The following COL22A1 variants were observed in gnomAD, a reference collection of about 807,000 sequenced individuals.
COL22A1 encodes the protein collagen alpha-1(XXII) chain.
A neutral mutation model predicts 248.9 loss-of-function variants in COL22A1; 221 were observed. That is an observed-to-expected ratio of 0.89 (90% confidence interval 0.80 to 0.99). The LOEUF (loss-of-function observed/expected upper bound fraction) is 0.99. COL22A1 is among the 50% of genes least tolerant of loss of function. The pLI is 0.00. For missense variants in COL22A1, 2,240 were observed against 2,179.0 expected, an observed-to-expected ratio of 1.03 and a Z score of -0.56; for synonymous variants, 891 against 793.4, an observed-to-expected ratio of 1.12 and a Z score of -2.07.
intron 3 of COL22A1, among the ~76,000 whole-genome samples, chr8:138,877,336 T>C (rs1823798324): frequency 6.6e-6 from 1 of 152,196 alleles, no homozygotes; most frequent in Admixed American, 6.5e-5. Flanking sequence ...TACCCAATGC[T>C]TCAGGCCAGA....
chr8:138,659,323 G>T (rs1306427915), intron 44 of COL22A1, among the ~76,000 whole-genome samples: 1 of 152,164 alleles, frequency 6.6e-6, no homozygotes, highest in Non-Finnish European at 1.5e-5. Context: ...TGAGATAAGG[G>T]ATGGGGGGTC....
At chr8:138,896,863 C>T (rs1379678664) in intron 1 of COL22A1, among the ~76,000 whole-genome samples, 2 of 152,002 alleles carry the variant, frequency 1.3e-5, no homozygotes, top group Non-Finnish European at 2.9e-5. Flanking sequence ...ATCCCAGCTA[C>T]TTGCGGGGCT....
intron 1 of COL22A1, among the ~76,000 whole-genome samples, chr8:138,901,800 G>T (rs769788628): frequency 6.6e-6 from 1 of 152,048 alleles, no homozygotes; most frequent in Non-Finnish European, 1.5e-5. Flanking sequence ...AGACCTTCAT[G>T]GGCTGGCTTG....
chr8:138,704,798 T>C (rs901217684), intron 30 of COL22A1, among the ~76,000 whole-genome samples: 1 of 152,198 alleles, frequency 6.6e-6, no homozygotes, highest in Non-Finnish European at 1.5e-5. Flanking sequence ...TTGATAGAAG[T>C]AGGCTTCAGA....
chr8:138,902,156 G>C (rs1304441544), intron 1 of COL22A1, among the ~76,000 whole-genome samples: 1 of 152,174 alleles, frequency 6.6e-6, no homozygotes, highest in African/African-American at 2.4e-5. Flanking sequence ...CCATGAGAGA[G>C]GCACCACGTG....
chr8:138,667,819 C>T (rs1335315996), intron 41 of COL22A1, among the ~76,000 whole-genome samples: 1 of 152,052 alleles, frequency 6.6e-6, no homozygotes, highest in Admixed American at 6.6e-5. Context: ...GAGGCTCCAC[C>T]AGACATCATG....
chr8:138,666,863 G>C (rs1403920420), intron 41 of COL22A1, among the ~76,000 whole-genome samples: 3 of 152,164 alleles, frequency 2.0e-5, no homozygotes, highest in Non-Finnish European at 4.4e-5. Flanking sequence ...TTAAATTAAA[G>C]GTCTTCATTT....
intron 3 of COL22A1, among the ~76,000 whole-genome samples, chr8:138,863,995 C>T (rs12549623): frequency 0.091 from 13,782 of 152,116 alleles, 872 homozygotes; most frequent in African/African-American, 0.18. Context: ...TTCCCCCTCC[C>T]CAGAAAAAAA....
At chr8:138,791,306 G>A (rs1816013256) in intron 12 of COL22A1, among the ~76,000 whole-genome samples, 1 of 152,276 alleles carries the variant, frequency 6.6e-6, no homozygotes, top group African/African-American at 2.4e-5. Context: ...GCATTACCAC[G>A]GAAAGATAAA....
intron 47 of COL22A1, among the ~76,000 whole-genome samples, chr8:138,645,515 A>G (rs1395493783): frequency 6.6e-6 from 1 of 152,226 alleles, no homozygotes; most frequent in Non-Finnish European, 1.5e-5. Flanking sequence ...CCAAGGAGAC[A>G]ACAACTGAGG....
At chr8:138,654,951 G>A (rs1027324449) in intron 45 of COL22A1, among the ~76,000 whole-genome samples, 9 of 152,190 alleles carry the variant, frequency 5.9e-5, no homozygotes, top group Non-Finnish European at 1.0e-4. Context: ...CACTGAACCT[G>A]CGCTCTGGTC....
intron 27 of COL22A1, among the ~76,000 whole-genome samples, chr8:138,719,584 A>T (rs1022382046): frequency 2.0e-5 from 3 of 152,186 alleles, no homozygotes; most frequent in African/African-American, 7.2e-5. Context: ...GTCTTTTAAA[A>T]ATGACCACTT....
At chr8:138,852,995 T>TAC (rs1491025568) in intron 3 of COL22A1, among the ~76,000 whole-genome samples, 1 of 120,076 alleles carries the variant, frequency 8.3e-6, no homozygotes, top group African/African-American at 3.5e-5. Context: ...AAAAAAAAAG[T>TAC]ATATATATAT....
At chr8:138,808,458 C>T (rs1039474517) in intron 9 of COL22A1, among the ~76,000 whole-genome samples, 3 of 152,150 alleles carry the variant, frequency 2.0e-5, no homozygotes, top group African/African-American at 7.2e-5. Context: ...ATGTTGACTG[C>T]TAGCGGTTCA....
chr8:138,883,311 G>A (rs1268633211), intron 1 of COL22A1, 67 bp from the exon 2 acceptor site: 4 of 864,898 alleles, frequency 4.6e-6, no homozygotes, highest in Non-Finnish European at 7.0e-6. Context: ...CAAACTCTGG[G>A]CCCTGCCCAG....
intron 56 of COL22A1, 24 bp downstream of exon 56, chr8:138,613,843 C>T (rs761027824): frequency 1.2e-6 from 2 of 1,606,230 alleles, no homozygotes; most frequent in Non-Finnish European, 1.7e-6. Flanking sequence ...ACATGAAGCA[C>T]ATTAGTCGCA....
intron 41 of COL22A1, among the ~76,000 whole-genome samples, chr8:138,668,964 T>A (rs1399194526): frequency 2.0e-5 from 3 of 152,136 alleles, no homozygotes; most frequent in African/African-American, 7.2e-5. Context: ...GGCAGAGATG[T>A]CTCTGGCAGA....
chr8:138,782,038 T>C (rs1815056392), intron 12 of COL22A1, among the ~76,000 whole-genome samples: 1 of 152,246 alleles, frequency 6.6e-6, no homozygotes, highest in African/African-American at 2.4e-5. Context: ...TATTTCTAGA[T>C]TTTATCTACA....
In COL22A1 at chr8:138,877,657, C is replaced by T. The variant is rs559699646; in HGVS notation, c.658+93G>A. ...CTTCCCCCGCCTTCCTGGAGCCGGC[C>T]GTAGGATCCCTATCTGCCCGAGGAC... On this transcript the variant is annotated intron_variant, in intron 3 of 64. Coordinates refer to ENST00000303045, the MANE Select transcript of COL22A1 (RefSeq NM_152888.3). 8.8e-5 allele frequency: 115 copies of T among 1,300,294 alleles called. 1 individual carries two copies. In the Admixed American group the frequency reaches 2.6e-3, roughly 29 times the overall value. The allele number at this position is 1,300,294 out of a possible 1,614,324, so 80.5% of individuals were successfully genotyped here. A position where few individuals can be genotyped will look rare whatever the true frequency, so the allele number is the denominator to read the frequency against.
Sources: gnomAD v4.1 joint callset for allele counts (sites outside exome capture counted in the v4.1 genomes callset) on GRCh38, gnomAD v4.1.1 for gene constraint, MANE v1.5 for transcripts, NCBI Gene and HGNC (gene_info 2026-07-23, HGNC 2026-07-21) for gene names.